The following RYR3 variants were observed in gnomAD, a reference collection of about 807,000 sequenced individuals.
RYR3 encodes the protein brain ryanodine receptor-calcium release channel.
Under a neutral mutation model 584.3 loss-of-function variants are expected in RYR3, and 207 were observed. The observed-to-expected ratio is 0.35, with a 90% CI of 0.32 to 0.40. The LOEUF is 0.40. RYR3 is among the 10% of genes least tolerant of loss of function. The pLI is 1.00. For synonymous variants in RYR3, 2,416 were observed against 2,248.5 expected (o/e 1.07, Z -2.11); for missense variants, 5,616 against 6,089.2 (o/e 0.92, Z 2.59).
At chr15:33,602,688 A>C (rs1357764561) in intron 17 of RYR3, among the ~76,000 whole-genome samples, 1 of 149,650 alleles carries the variant, frequency 6.7e-6, no homozygotes, top group Non-Finnish European at 1.5e-5. Flanking sequence ...CTTGCATCAC[A>C]CTAAGAACTT....
intron 60 of RYR3, among the ~76,000 whole-genome samples, chr15:33,759,968 G>T (rs962352757): frequency 2.1e-4 from 32 of 152,218 alleles, no homozygotes; most frequent in African/African-American, 7.7e-4. Context: ...TAAGCCAGAA[G>T]AGGGTGGGGC....
chr15:33,728,761 A>G lies in RYR3; in HGVS notation c.7034-96A>G, dbSNP rs918085902. The G allele has an allele frequency of 7.5e-6, 9 of 1,204,350 alleles. No homozygotes were observed. In the African/African-American group the frequency reaches 1.4e-4, roughly 19 times the overall value. 74.6% of individuals were successfully genotyped at this position (1,204,350 alleles called of 1,614,324 possible). ...ATTTTTCCAAAAATTCTTGTCCCTT[A>G]TAGGGAGAATAAGCTATAGACAGAC... On this transcript the variant is annotated intron_variant, in intron 46 of 103. Transcript: ENST00000634891.
intron 60 of RYR3, among the ~76,000 whole-genome samples, chr15:33,758,306 C>T (rs1243585330): frequency 6.6e-6 from 1 of 152,146 alleles, no homozygotes; most frequent in Non-Finnish European, 1.5e-5. Context: ...GTTCACACCC[C>T]TGGAAAGGAG....
intron 48 of RYR3, among the ~76,000 whole-genome samples, chr15:33,732,785 T>C (rs1427106831): frequency 6.6e-6 from 1 of 152,220 alleles, no homozygotes; most frequent in Non-Finnish European, 1.5e-5. Context: ...ATTCTGGCTT[T>C]TGAAGCTTCC....
intron 10 of RYR3, among the ~76,000 whole-genome samples, chr15:33,557,869 G>A (rs2057168114): frequency 6.6e-6 from 1 of 152,136 alleles, no homozygotes; most frequent in African/African-American, 2.4e-5. Flanking sequence ...GCTGTCATTG[G>A]AGGCAGAGGA....
At chr15:33,461,648 A>G (rs544517167) in intron 1 of RYR3, among the ~76,000 whole-genome samples, 1 of 152,360 alleles carries the variant, frequency 6.6e-6, no homozygotes, top group East Asian at 1.9e-4. Flanking sequence ...AAGAAATATA[A>G]GAGTTGCAAC....
At chr15:33,421,742 T>C (rs899076325) in intron 1 of RYR3, among the ~76,000 whole-genome samples, 1 of 152,198 alleles carries the variant, frequency 6.6e-6, no homozygotes, top group Admixed American at 6.5e-5. Flanking sequence ...TGTGAATTAT[T>C]ATTTAGAAGC....
At chr15:33,671,672 A>G (rs2063842387) in intron 38 of RYR3, among the ~76,000 whole-genome samples, 1 of 152,152 alleles carries the variant, frequency 6.6e-6, no homozygotes, top group South Asian at 2.1e-4. Context: ...AAGCCACAAA[A>G]ACGTGAGTTT....
chr15:33,745,820 G>A (rs912840337), intron 52 of RYR3, among the ~76,000 whole-genome samples: 1 of 152,190 alleles, frequency 6.6e-6, no homozygotes, highest in African/African-American at 2.4e-5. Flanking sequence ...AAGAGGGCCT[G>A]AAATACAAGT....
At chr15:33,740,104 C>T (rs2069930564) in intron 51 of RYR3, 109 bp downstream of exon 51, 1 of 867,674 alleles carries the variant, frequency 1.2e-6, no homozygotes. Flanking sequence ...CTCCTGCCAA[C>T]ACTGTTCATC....
At chr15:33,583,399 A>G (rs1467402190) in intron 14 of RYR3, among the ~76,000 whole-genome samples, 2 of 152,208 alleles carry the variant, frequency 1.3e-5, no homozygotes, top group Non-Finnish European at 2.9e-5. Flanking sequence ...CAAGAAGTTG[A>G]GTTCTTAAGT....
rs1479154675 is a variant in RYR3 at position 33,785,794 on chromosome 15, T to C, written c.9401T>C (p.Ile3134Thr). ...YTEMPHVIEV[I>T]LPMLCNYLSY... ...GAGATGCCCCATGTCATCGAGGTGA[T>C]CTTACCCATGCTCTGCAACTACTTG... Residue 3134 changes from isoleucine (I) to threonine (T), a missense_variant, in exon 66 of 104, where the codon ATC (isoleucine) becomes ACC (threonine). Around this residue, in one of 9 missense-constraint regions of RYR3, gnomAD observed 954 missense variants for 1,132.2 expected, o/e 0.84. Transcript: ENST00000634891. 6.2e-7 allele frequency: 1 copy of C among 1,613,792 alleles called. No individual in the cohort carries two copies. Among genetic ancestry groups the C allele is most frequent in the Non-Finnish European group, 8.5e-7 (1 of 1,179,886 alleles).
chr15:33,382,611 C>T (rs562512809), intron 1 of RYR3, among the ~76,000 whole-genome samples: 255 of 152,074 alleles, frequency 1.7e-3, no homozygotes, highest in Non-Finnish European at 3.0e-3. Context: ...CATGAGCCAC[C>T]GTGCCCACCC....
At chr15:33,317,480 G>C (rs1197068686) in intron 1 of RYR3, among the ~76,000 whole-genome samples, 1 of 127,754 alleles carries the variant, frequency 7.8e-6, no homozygotes, top group Non-Finnish European at 1.6e-5. Context: ...TTGGAAGTCA[G>C]GGGGGGTGTT....
At chr15:33,651,053 C>A (rs758916568) in intron 31 of RYR3, among the ~76,000 whole-genome samples, 1 of 152,226 alleles carries the variant, frequency 6.6e-6, no homozygotes, top group Admixed American at 6.5e-5. Context: ...CTCTACCATA[C>A]AAGATTGATT....
Position 33,861,054 on chromosome 15 carries a change from TTTTCTGCCTGTTA to T in RYR3, c.14365-20_14365-8del. ...TGCCTATATTATGCCAACAAATGCC[TTTTCTGCCTGTTA>T]TTTTTCTTAGACTAAATGTTTCATC... On this transcript the variant is annotated splice_polypyrimidine_tract_variant and intron_variant, in intron 101 of 103. Transcript: ENST00000634891. The T allele has an allele frequency of 6.5e-7, 1 of 1,530,716 alleles. No individual in the cohort carries two copies. The highest frequency in any genetic ancestry group is 8.9e-7 in the Non-Finnish European group (1 of 1,123,400). 94.8% of individuals were successfully genotyped at this position (1,530,716 alleles called of 1,614,324 possible).
At chr15:33,556,087 A>G (rs550133484) in intron 10 of RYR3, among the ~76,000 whole-genome samples, 13 of 152,304 alleles carry the variant, frequency 8.5e-5, no homozygotes, top group South Asian at 4.1e-4. Context: ...CCCAGCATCC[A>G]TGAATGGGCT....
intron 2 of RYR3, among the ~76,000 whole-genome samples, chr15:33,490,470 G>T (rs2050871291): frequency 6.6e-6 from 1 of 152,090 alleles, no homozygotes; most frequent in Admixed American, 6.6e-5. Context: ...CTTTGGGGTG[G>T]TTCAGGTGCA....
At chr15:33,827,431 A>T in intron 85 of RYR3, 144 bp downstream of exon 85, 1 of 674,034 alleles carries the variant, frequency 1.5e-6, no homozygotes. Flanking sequence ...GATGCATGGG[A>T]AGTCCAGTGC....
Sources: allele counts gnomAD v4.1 joint callset (sites outside exome capture counted in the v4.1 genomes callset), GRCh38; gene constraint gnomAD v4.1.1; regional missense constraint gnomAD v4.1.1; transcripts MANE v1.5; gene names NCBI Gene and HGNC (gene_info 2026-07-23, HGNC 2026-07-21).